Variants in COMMD1 observed in about 807,000 individuals in gnomAD.
COMMD1 encodes the protein copper metabolism domain containing 1.
COMMD1 carries 10 observed loss-of-function variants against 17.2 expected under a neutral mutation model. The ratio of observed to expected loss-of-function variants is 0.58; its 90% confidence interval spans 0.36 to 0.99. COMMD1 has a LOEUF of 0.99. Among genes scored for constraint, COMMD1 ranks in the 50% least tolerant of loss-of-function variants. The pLI, the probability that COMMD1 is intolerant of heterozygous loss-of-function variation, is 0.01. For synonymous variants in COMMD1, 97 were observed against 91.6 expected (o/e 1.06, Z -0.34); for missense variants, 270 against 231.8 (o/e 1.17, Z -1.07).
At chr2:62,089,428 A>G (rs1671762338) in intron 2 of COMMD1, among the ~76,000 whole-genome samples, 1 of 151,598 alleles carries the variant, frequency 6.6e-6, no homozygotes, top group Non-Finnish European at 1.5e-5. Flanking sequence ...TGGGATTACA[A>G]GCGCGCTACC....
intron 2 of COMMD1, among the ~76,000 whole-genome samples, chr2:62,102,836 C>T (rs1672223773): frequency 6.6e-6 from 1 of 152,198 alleles, no homozygotes; most frequent in African/African-American, 2.4e-5. Flanking sequence ...GGTCCTGTCC[C>T]ACACCCAGAA....
chr2:62,135,940 G>C lies in COMMD1; in HGVS notation c.572G>C (p.Ter191SerextTer2). ...AGCACACTGATCAGCCAGCCTAACTGAAGATGATGTATGAAGGAGTTGGAG... is the reference window on the plus strand; with the variant it reads ...AGCACACTGATCAGCCAGCCTAACTCAAGATGATGTATGAAGGAGTTGGAG... ...SISTLISQPN[*>S] The change falls in exon 3 of 3, where the codon TGA becomes TCA. Residue 191 changes from the stop codon to serine (S), a stop_lost. Coordinates refer to ENST00000311832, the MANE Select transcript of COMMD1 (RefSeq NM_152516.4). 1 of 1,503,770 alleles carries C rather than the reference G, an allele frequency of 6.6e-7. No homozygotes were observed. The highest frequency in any genetic ancestry group is 1.7e-5 in the Admixed American group (1 of 59,910). 93.2% of individuals were successfully genotyped at this position (1,503,770 alleles called of 1,614,324 possible).
At chr2:62,025,902 C>T (rs1242991542) in intron 2 of COMMD1, among the ~76,000 whole-genome samples, 1 of 152,058 alleles carries the variant, frequency 6.6e-6, no homozygotes, top group Non-Finnish European at 1.5e-5. Flanking sequence ...CCATGTTGGC[C>T]AGCCTGGTCT....
Position 62,105,136 on chromosome 2 carries a change from A to AG in COMMD1, c.463-30695_463-30694insG, listed in dbSNP as rs1296730656. On this transcript the variant is annotated intron_variant, in intron 2 of 2. Transcript: ENST00000311832. ...GCAAAACTCTGTCTCAAAAAAAAAAAAAGAAAAAGAAAAAAAAGAAAATTT... is the reference window on the plus strand; with the variant it reads ...GCAAAACTCTGTCTCAAAAAAAAAAAGAAGAAAAAGAAAAAAAAGAAAATTT... Among the ~76,000 whole-genome samples the AG allele has an allele frequency of 2.0e-5, 3 of 151,746 alleles. No homozygotes were observed. The East Asian group carries it at 5.8e-4, about 29-fold the overall frequency.
At chr2:62,045,555 T>C in intron 2 of COMMD1, among the ~76,000 whole-genome samples, 1 of 150,162 alleles carries the variant, frequency 6.7e-6, no homozygotes, top group African/African-American at 2.4e-5. Context: ...TTACTTTCCT[T>C]CTTCTTTTTT....
intron 1 of COMMD1, among the ~76,000 whole-genome samples, chr2:61,994,112 G>C (rs1407462705): frequency 6.6e-6 from 1 of 151,962 alleles, no homozygotes; most frequent in African/African-American, 2.4e-5. Flanking sequence ...TCGGCCTCTC[G>C]AGTAGGTGGG....
At chr2:61,929,324 C>T (rs1178601274) in intron 1 of COMMD1, among the ~76,000 whole-genome samples, 2 of 152,140 alleles carry the variant, frequency 1.3e-5, no homozygotes, top group African/African-American at 4.8e-5. Context: ...TGGGCGTTCC[C>T]GGCTCTATTT....
chr2:61,927,533 C>G (rs1572970111), intron 1 of COMMD1, among the ~76,000 whole-genome samples: 1 of 152,158 alleles, frequency 6.6e-6, no homozygotes, highest in East Asian at 1.9e-4. Context: ...GCTGGGACTA[C>G]AGATGCCCGC....
At chr2:62,013,299 T>G (rs1669339587) in intron 2 of COMMD1, among the ~76,000 whole-genome samples, 1 of 152,132 alleles carries the variant, frequency 6.6e-6, no homozygotes, top group South Asian at 2.1e-4. Context: ...AAAACTGTTA[T>G]CCTTCATTCT....
At chr2:62,096,002 A>G (rs1458128326) in intron 2 of COMMD1, among the ~76,000 whole-genome samples, 1 of 151,098 alleles carries the variant, frequency 6.6e-6, no homozygotes, top group African/African-American at 2.4e-5. Flanking sequence ...ATGTATGTAT[A>G]TTATACATGC....
intron 2 of COMMD1, among the ~76,000 whole-genome samples, chr2:62,007,784 A>G (rs1669163957): frequency 6.6e-6 from 1 of 152,214 alleles, no homozygotes; most frequent in Non-Finnish European, 1.5e-5. Context: ...CACATTTCTC[A>G]GAAGGTATCC....
rs545094933 is a variant in COMMD1 at position 61,994,669 on chromosome 2, CCTGCAGGAA to C, written c.181-6029_181-6021del. On this transcript the variant is annotated intron_variant, in intron 1 of 2. Transcript: ENST00000311832. ...ATAGCATTATAGAATTGCAGGAAGG[CCTGCAGGAA>C]CTAGGGTCTTGGGAACTATAAAACA... 7.9e-5 allele frequency among the ~76,000 whole-genome samples: 12 copies of C among 152,206 alleles called. No individual in the cohort carries two copies. The East Asian group carries it at 2.3e-3, about 29-fold the overall frequency.
At chr2:61,943,473 G>T (rs541155231) in intron 1 of COMMD1, among the ~76,000 whole-genome samples, 12 of 152,334 alleles carry the variant, frequency 7.9e-5, no homozygotes, top group Admixed American at 5.9e-4. Context: ...TCACCAGTGA[G>T]TCATTTCTGC....
At chr2:62,049,468 C>T (rs1406242096) in intron 2 of COMMD1, among the ~76,000 whole-genome samples, 2 of 152,034 alleles carry the variant, frequency 1.3e-5, no homozygotes, top group Non-Finnish European at 2.9e-5. Context: ...GGTTGTTTCA[C>T]CTCGGGGCAT....
upstream of COMMD1, chr2:61,905,564 T>A: frequency 9.4e-7 from 1 of 1,068,478 alleles, no homozygotes; most frequent in Non-Finnish European, 1.3e-6. Flanking sequence ...GGGGAAGCCT[T>A]GCCTCCAGGT....
At chr2:62,085,034 G>A (rs1671620711) in intron 2 of COMMD1, among the ~76,000 whole-genome samples, 1 of 152,144 alleles carries the variant, frequency 6.6e-6, no homozygotes, top group Non-Finnish European at 1.5e-5. Flanking sequence ...GCCCTCTGAA[G>A]TGAGCAGGCA....
chr2:61,970,615 G>A (rs1671623119), intron 1 of COMMD1, among the ~76,000 whole-genome samples: 2 of 152,026 alleles, frequency 1.3e-5, no homozygotes, highest in Non-Finnish European at 1.5e-5. Flanking sequence ...TGAATATTTG[G>A]CCCTCAGATG....
chr2:62,106,988 A>G (rs1672340505), intron 2 of COMMD1, among the ~76,000 whole-genome samples: 1 of 152,150 alleles, frequency 6.6e-6, no homozygotes, highest in Non-Finnish European at 1.5e-5. Context: ...TACCATGCTC[A>G]TTCATTCCCA....
intron 2 of COMMD1, among the ~76,000 whole-genome samples, chr2:62,018,242 G>C (rs1054919888): frequency 6.6e-6 from 1 of 152,124 alleles, no homozygotes; most frequent in Admixed American, 6.5e-5. Context: ...GGGTAATTTA[G>C]GGAAGGTATA....
Sources: allele counts gnomAD v4.1 joint callset (sites outside exome capture counted in the v4.1 genomes callset), GRCh38; gene constraint gnomAD v4.1.1; transcripts MANE v1.5; gene names NCBI Gene and HGNC (gene_info 2026-07-23, HGNC 2026-07-21).